The following SLCO3A1 variants were observed in gnomAD, a reference collection of about 807,000 sequenced individuals.
SLCO3A1 encodes PGE1 transporter.
In SLCO3A1, 27 loss-of-function variants were observed where a neutral mutation model predicts 63.1. The observed-to-expected ratio is 0.43, with a 90% CI of 0.32 to 0.59. SLCO3A1 has a LOEUF of 0.59. Ranked by LOEUF, SLCO3A1 falls within the 20% of genes least tolerant of loss-of-function variation. SLCO3A1 has a pLI of 0.09. For synonymous variants in SLCO3A1, 473 were observed against 409.9 expected (o/e 1.15, Z -1.86); for missense variants, 773 against 945.8 (o/e 0.82, Z 2.40).
intron 2 of SLCO3A1, among the ~76,000 whole-genome samples, chr15:92,000,043 A>T (rs1193032604): frequency 6.6e-6 from 1 of 152,246 alleles, no homozygotes; most frequent in African/African-American, 2.4e-5. Context: ...TGAATGGATT[A>T]GATACATTTG....
At chr15:91,959,197 C>A (rs1220591548) in intron 2 of SLCO3A1, among the ~76,000 whole-genome samples, 3 of 152,072 alleles carry the variant, frequency 2.0e-5, no homozygotes, top group Non-Finnish European at 4.4e-5. Context: ...TACGTTCTCA[C>A]TTATGAGTGG....
At chr15:91,887,334 A>T (rs1046727819) in intron 1 of SLCO3A1, among the ~76,000 whole-genome samples, 2 of 151,810 alleles carry the variant, frequency 1.3e-5, no homozygotes. Flanking sequence ...TGATGTCGAG[A>T]CCCCTGCCTG....
chr15:91,984,019 G>A (rs1196109404), intron 2 of SLCO3A1, among the ~76,000 whole-genome samples: 1 of 152,172 alleles, frequency 6.6e-6, no homozygotes, highest in East Asian at 1.9e-4. Flanking sequence ...AAGGCTTCCA[G>A]GTCAGCGCTG....
rs1407950644 is a variant in SLCO3A1 at position 92,171,939 on chromosome 15, C to A, written c.*77C>A. On this transcript the variant is annotated 3_prime_UTR_variant, in exon 11 of 11. Transcript: ENST00000424469. ...GACCTCGCGGGCCTCACTTAGCGCG[C>A]TCCTCCCTGTCCGAGAACCCGAGGG... is the stretch of plus-strand genomic sequence containing the variant. 5.7e-6 allele frequency: 6 copies of A among 1,049,878 alleles called. No homozygotes were observed. In the African/African-American group the frequency reaches 7.9e-5, roughly 14 times the overall value. The allele number at this position is 1,049,878 out of a possible 1,614,324, so 65.0% of individuals were successfully genotyped here.
intron 2 of SLCO3A1, among the ~76,000 whole-genome samples, chr15:92,069,089 TCCCCC>T (rs760619386): frequency 6.8e-5 from 4 of 59,152 alleles, no homozygotes; most frequent in African/African-American, 2.2e-4. Flanking sequence ...ATTCAAGGGC[TCCCCC>T]CGCCCCCCCC....
At position 92,137,738 on chromosome 15, in the gene SLCO3A1, T is replaced by A. The variant is rs2048077292; in HGVS notation, c.1513-9246T>A. 1.9e-5 allele frequency among the ~76,000 whole-genome samples: 2 copies of A among 104,954 alleles called. 1 individual carries two copies. Among genetic ancestry groups the A allele is most frequent in the African/African-American group, 1.0e-4 (2 of 19,090 alleles). 68.9% of individuals were successfully genotyped at this position (104,954 alleles called of 152,430 possible). A position where few individuals can be genotyped will look rare whatever the true frequency, so the allele number is the denominator to read the frequency against. On this transcript the variant is annotated intron_variant, in intron 7 of 9. Transcript: ENST00000318445. ...TCTGATGGCCAGTGATGATGAGCAT[T>A]TTTTCATGTGTTTTTTGGCTGCATA...
In SLCO3A1 at chr15:92,165,058, G is replaced by C; in HGVS notation, c.*1923G>C. On this transcript the variant is annotated 3_prime_UTR_variant, in exon 10 of 10. Coordinates refer to ENST00000318445, the MANE Select transcript of SLCO3A1 (RefSeq NM_013272.4). ...AGGAAGTAAAAAATGGTTGGGAGTG[G>C]GACAGGTATGGTACCGAATTTTTAA... 1 of 985,326 alleles carries C rather than the reference G, an allele frequency of 1.0e-6. No homozygotes were observed. Among genetic ancestry groups the C allele is most frequent in the Non-Finnish European group, 1.2e-6 (1 of 829,880 alleles). The allele number at this position is 985,326 out of a possible 1,614,324, so 61.0% of individuals were successfully genotyped here. A position where few individuals can be genotyped will look rare whatever the true frequency, so the allele number is the denominator to read the frequency against.
rs2046612695 is a variant in SLCO3A1, at chr15:92,028,974, TCAA to T, written c.647-65906_647-65904del. On this transcript the variant is annotated intron_variant, in intron 2 of 9. Coordinates refer to ENST00000318445, the MANE Select transcript of SLCO3A1 (RefSeq NM_013272.4). The stretch of plus-strand genomic sequence containing the variant: ...ACATGAGAAAACCCCTGACCCATGG[TCAA>T]ACAACCCCCAAAACTGCCAGTTGAT... Among the ~76,000 whole-genome samples, 10 of 124,418 alleles carry T rather than the reference TCAA, an allele frequency of 8.0e-5. 1 individual carries two copies. In the South Asian group the frequency reaches 2.9e-3, roughly 36 times the overall value. 81.6% of individuals were successfully genotyped at this position (124,418 alleles called of 152,430 possible). A position where few individuals can be genotyped will look rare whatever the true frequency, so the allele number is the denominator to read the frequency against.
intron 2 of SLCO3A1, among the ~76,000 whole-genome samples, chr15:92,039,498 G>A (rs1453192106): frequency 1.3e-5 from 2 of 152,216 alleles, no homozygotes; most frequent in South Asian, 2.1e-4. Context: ...TTAGAGAAAC[G>A]CAAAACAAAA....
chr15:92,064,107 A>G (rs1220108792), intron 2 of SLCO3A1, among the ~76,000 whole-genome samples: 2 of 152,146 alleles, frequency 1.3e-5, no homozygotes, highest in Non-Finnish European at 2.9e-5. Context: ...AACACTAGAG[A>G]TAGTCTCCTA....
chr15:92,015,438 A>C (rs60142722), intron 2 of SLCO3A1, among the ~76,000 whole-genome samples: 6,151 of 152,152 alleles, frequency 0.04, 432 homozygotes, highest in African/African-American at 0.14. Flanking sequence ...TGCCACTTCT[A>C]AACTATGAGA....
chr15:92,060,709 G>A (rs574729216), intron 2 of SLCO3A1, among the ~76,000 whole-genome samples: 26 of 152,120 alleles, frequency 1.7e-4, no homozygotes, highest in South Asian at 4.2e-4. Context: ...CATGTTGTCC[G>A]GGCTGGTTTT....
Position 91,926,596 on chromosome 15 carries a change from T to TGTGTGTGTGTGTGTGTGTGTGTGC in SLCO3A1, c.646+10139_646+10140insTGTGTGTGTGTGTGTGTGTGTGCG. Among the ~76,000 whole-genome samples the TGTGTGTGTGTGTGTGTGTGTGTGC allele has an allele frequency of 2.2e-3, 231 of 105,268 alleles. 3 individuals carry two copies. The highest frequency in any genetic ancestry group is 4.1e-3 in the African/African-American group (112 of 27,380). 69.1% of individuals were successfully genotyped at this position (105,268 alleles called of 152,430 possible). A position where few individuals can be genotyped will look rare whatever the true frequency, so the allele number is the denominator to read the frequency against. On this transcript the variant is annotated intron_variant, in intron 2 of 9. Transcript: ENST00000318445. Reference sequence around the variant, plus strand: ...GTGTGTGTGTGTGTGTGTGTGTGTGTGCGCGCGCGCACGCCCATGCTTATT... The same window carrying TGTGTGTGTGTGTGTGTGTGTGTGC: ...GTGTGTGTGTGTGTGTGTGTGTGTGTGTGTGTGTGTGTGTGTGTGTGTGCGCGCGCGCGCACGCCCATGCTTATT...
At chr15:91,880,902 A>T (rs55919613) in intron 1 of SLCO3A1, among the ~76,000 whole-genome samples, 10,436 of 152,252 alleles carry the variant, frequency 0.069, 503 homozygotes, top group Non-Finnish European at 0.1. Flanking sequence ...GGTTTTCAGC[A>T]GGGATCCTTC....
At chr15:91,907,499 C>T (rs1898348505) in intron 1 of SLCO3A1, among the ~76,000 whole-genome samples, 1 of 149,418 alleles carries the variant, frequency 6.7e-6, no homozygotes, top group Non-Finnish European at 1.5e-5. Context: ...AGCCACTGTG[C>T]CTGGCCCAAG....
rs1900096221 is a variant in SLCO3A1 at position 91,954,304 on chromosome 15, A to G, written c.646+37846A>G. On this transcript the variant is annotated intron_variant, in intron 2 of 9. Transcript: ENST00000318445. The surrounding 1 kb of genome is among the most constrained non-coding windows in gnomAD (Gnocchi z 4.7). ...CTGAGCCCTTTGTGAGTTTCTCAGG[A>G]TAAACCATCCACCCATGGAAGTGGC... Among the ~76,000 whole-genome samples the G allele has an allele frequency of 6.6e-6, 1 of 152,180 alleles. No individual in the cohort carries two copies. The highest frequency in any genetic ancestry group is 1.5e-5 in the Non-Finnish European group (1 of 68,036).
At chr15:91,926,612 CAT>C (rs1555450215) in intron 2 of SLCO3A1, among the ~76,000 whole-genome samples, 2 of 129,506 alleles carry the variant, frequency 1.5e-5, no homozygotes, top group African/African-American at 3.4e-5. Context: ...CGCGCACGCC[CAT>C]GCTTATTTTA....
At chr15:91,881,197 C>T (rs11074021) in intron 1 of SLCO3A1, among the ~76,000 whole-genome samples, 30,566 of 152,132 alleles carry the variant, frequency 0.2, 3,338 homozygotes, top group Middle Eastern at 0.32. Context: ...TGGGGAAGAT[C>T]AAAACCTGAA....
chr15:92,095,399 G>A (rs1567116910), intron 3 of SLCO3A1, among the ~76,000 whole-genome samples: 1 of 152,232 alleles, frequency 6.6e-6, no homozygotes, highest in Non-Finnish European at 1.5e-5. Flanking sequence ...GTTGGAGCAT[G>A]TGTTCTGGAG....
Sources: allele counts gnomAD v4.1 joint callset (sites outside exome capture counted in the v4.1 genomes callset), GRCh38; gene constraint gnomAD v4.1.1; non-coding constraint Gnocchi (gnomAD v3.1); transcripts MANE v1.5; gene names NCBI Gene and HGNC (gene_info 2026-07-23, HGNC 2026-07-21).